MSLN: variants seen among roughly 807,000 people sequenced by gnomAD.
MSLN encodes the protein CAK1 antigen.
A neutral mutation model predicts 72.6 loss-of-function variants in MSLN; 82 were observed. The observed-to-expected ratio is 1.13, with a 90% CI of 0.94 to 1.36. MSLN has a LOEUF of 1.36. Among genes scored for constraint, MSLN ranks in the 40% most tolerant of loss-of-function variants. MSLN has a pLI of 0.00. For missense variants in MSLN, 1,005 were observed against 847.9 expected (o/e 1.19, Z -2.30); for synonymous variants, 456 against 387.3 (o/e 1.18, Z -2.08).
At chr16:762,904 C>A in intron 3 of MSLN, 139 bp downstream of exon 3, 2 of 681,954 alleles carry the variant, frequency 2.9e-6, no homozygotes, top group Non-Finnish European at 4.9e-6. Flanking sequence ...AGTCTCTGCC[C>A]CCAGAGGTGA....
At chr16:767,332 G>A in intron 15 of MSLN, 44 bp from the exon 16 acceptor site, 4 of 1,532,044 alleles carry the variant, frequency 2.6e-6, no homozygotes, top group Non-Finnish European at 3.6e-6. Context: ...GGGCCTGGGG[G>A]TGTGAGGTGA....
intron 11 of MSLN, 111 bp downstream of exon 11, chr16:765,901 A>G (rs2041601065): frequency 3.0e-6 from 4 of 1,330,406 alleles, no homozygotes; most frequent in Middle Eastern, 2.4e-4. Flanking sequence ...ACATCCCATT[A>G]TAATCACAGA....
At chr16:765,652 G>T in intron 10 of MSLN, 35 bp downstream of exon 10, 1 of 1,597,876 alleles carries the variant, frequency 6.3e-7, no homozygotes. Flanking sequence ...GGGGATGCCC[G>T]GCCACCCGAG....
Position 765,273 on chromosome 16 carries a change from C to A in MSLN, c.674C>A (p.Ala225Glu), listed in dbSNP as rs746914426. ...LDQDQQEAAR[A>E]ALQGGGPPYG... is the part of the protein sequence containing the mutation. ...CAGGACCAGCAGGAGGCAGCCAGGG[C>A]GGCTCTGCAGGGCGGGGGACCCCCC... The change falls in exon 9 of 18, where the codon GCG (alanine) becomes GAG (glutamate). Residue 225 changes from alanine to glutamate, a missense_variant. Coordinates refer to ENST00000545450, the MANE Select transcript of MSLN (RefSeq NM_005823.6). 2.5e-6 allele frequency: 4 copies of A among 1,583,986 alleles called. No homozygotes were observed. The highest frequency in any genetic ancestry group is 2.7e-5 in the African/African-American group (2 of 74,676).
At chr16:767,334 G>GT (rs1567359416) in intron 15 of MSLN, 42 bp from the exon 16 acceptor site, 3 of 1,546,028 alleles carry the variant, frequency 1.9e-6, no homozygotes, top group Non-Finnish European at 8.9e-7. Context: ...GCCTGGGGGT[G>GT]TGAGGTGAGG....
chr16:764,010 ACC>A lies in MSLN; in HGVS notation c.180-11_180-10del. ...GGGGCGATCGTGGGTGCCCAGCCCG[ACC>A]CTTCCTGCAGCCTCTCCCCTCGCCA... On this transcript the variant is annotated splice_polypyrimidine_tract_variant and intron_variant, in intron 5 of 17. Coordinates refer to ENST00000545450, the MANE Select transcript of MSLN (RefSeq NM_005823.6). 3 of 1,596,338 alleles carry A rather than the reference ACC, an allele frequency of 1.9e-6. No homozygotes were observed. The highest frequency in any genetic ancestry group is 2.5e-6 in the Non-Finnish European group (3 of 1,178,690).
chr16:763,896 T>TG, intron 5 of MSLN, 127 bp from the exon 6 acceptor site: 4 of 1,272,096 alleles, frequency 3.1e-6, no homozygotes, highest in Non-Finnish European at 3.1e-6. Flanking sequence ...CACCTGGTCT[T>TG]GGGGGGAGGT....
Position 764,631 on chromosome 16 carries a change from C to G in MSLN, c.301-16C>G. On this transcript the variant is annotated splice_polypyrimidine_tract_variant and intron_variant, in intron 6 of 17. Coordinates refer to ENST00000545450, the MANE Select transcript of MSLN (RefSeq NM_005823.6). Reference sequence around the variant, plus strand: ...GCGGCTCGAAACGCTCTGTGCTGGACTCCCTGCCCCTGCAGCTGCGCTGTC... The same window carrying G: ...GCGGCTCGAAACGCTCTGTGCTGGAGTCCCTGCCCCTGCAGCTGCGCTGTC... 6.2e-7 allele frequency: 1 copy of G among 1,610,506 alleles called. No homozygotes were observed. The highest frequency in any genetic ancestry group is 8.5e-7 in the Non-Finnish European group (1 of 1,178,088).
chr16:762,958 C>T (rs1379053809), intron 3 of MSLN, among the ~76,000 whole-genome samples, 193 bp downstream of exon 3: 1 of 152,186 alleles, frequency 6.6e-6, no homozygotes, highest in African/African-American at 2.4e-5. Flanking sequence ...GCTCAGGACA[C>T]AGTGGGGATG....
At position 765,739 on chromosome 16, in the gene MSLN, C is replaced by A; in HGVS notation, c.844C>A (p.Arg282=). Residue 282 remains arginine (R), a synonymous_variant, in exon 11 of 18, where the codon CGG becomes AGG. Transcript: ENST00000545450. ...ACGCTCCTCTCGGGACCCATCCTGG[C>A]GGCAGCCTGAACGGACCATCCTCCG... ...RQRSSRDPSW[R]QPERTILRPR... The A allele has an allele frequency of 1.0e-5, 16 of 1,600,848 alleles. No homozygotes were observed. The highest frequency in any genetic ancestry group is 1.4e-5 in the Non-Finnish European group (16 of 1,179,662).
intron 3 of MSLN, 55 bp from the exon 4 acceptor site, chr16:763,178 G>C (rs1177746422): frequency 4.8e-6 from 6 of 1,247,840 alleles, no homozygotes; most frequent in South Asian, 4.0e-5. Flanking sequence ...CCCTGGGTCA[G>C]GGCACAGCCC....
chr16:767,522 G>T (rs772807868), intron 16 of MSLN, 52 bp downstream of exon 16: 1 of 1,292,028 alleles, frequency 7.7e-7, no homozygotes. Context: ...TGGAGGAGGG[G>T]CGAGTGGGAG....
Position 763,288 on chromosome 16 carries a change from T to A in MSLN, c.129+12T>A. 6 of 1,540,668 alleles carry A rather than the reference T, an allele frequency of 3.9e-6. No homozygotes were observed. Among genetic ancestry groups the A allele is most frequent in the Non-Finnish European group, 5.2e-6 (6 of 1,143,752 alleles). ...GAGAGACAGGGCAGGTAAGGTCCCC[T>A]CTGGGGAAACAGGGGAGGGTCTTCA... On this transcript the variant is annotated intron_variant, in intron 4 of 17. Coordinates refer to ENST00000545450, the MANE Select transcript of MSLN (RefSeq NM_005823.6).
chr16:767,422 G>C lies in MSLN; in HGVS notation c.1548G>C (p.Val516=). 6.2e-7 allele frequency: 1 copy of C among 1,608,136 alleles called. No homozygotes were observed. The highest frequency in any genetic ancestry group is 8.5e-7 in the Non-Finnish European group (1 of 1,178,714). Residue 516 remains valine, a synonymous_variant, in exon 16 of 18, where the codon GTG becomes GTC. Coordinates refer to ENST00000545450, the MANE Select transcript of MSLN (RefSeq NM_005823.6). ...TGAAGGCGCTCAGTCAGCAGAATGT[G>C]AGCATGGACTTGGCCACGTTCATGA... ...EDLKALSQQN[V]SMDLATFMKL... is the part of the protein sequence containing the mutation.
chr16:766,549 T>TG (rs1333631166), intron 13 of MSLN, 59 bp downstream of exon 13: 1 of 1,607,598 alleles, frequency 6.2e-7, no homozygotes, highest in African/African-American at 1.3e-5. Context: ...AGGGGCAGAG[T>TG]GGGGGACAAA....
At chr16:763,889 C>G in intron 5 of MSLN, 134 bp from the exon 6 acceptor site, 1 of 1,320,228 alleles carries the variant, frequency 7.6e-7, no homozygotes, top group Non-Finnish European at 1.0e-6. Flanking sequence ...AGGGCGTCAC[C>G]TGGTCTTGGG....
intron 10 of MSLN, 22 bp downstream of exon 10, chr16:765,639 C>T (rs1201539904): frequency 2.4e-5 from 39 of 1,598,106 alleles, no homozygotes; most frequent in African/African-American, 8.0e-5. Context: ...ATCCCCAGCC[C>T]GTGGGGATGC....
rs542294612 is a variant in MSLN, at chr16:764,754, C to T, written c.380+28C>T. The T allele has an allele frequency of 1.7e-4, 278 of 1,588,980 alleles. 2 individuals carry two copies. The East Asian group carries it at 5.3e-3, about 30-fold the overall frequency. Reference sequence around the variant, plus strand: ...AGGCCCTGCCCCCTGAACCCACCCCCCCGGCTTTTGCCGCCAGCCCTCAGC... The same window carrying T: ...AGGCCCTGCCCCCTGAACCCACCCCTCCGGCTTTTGCCGCCAGCCCTCAGC... On this transcript the variant is annotated intron_variant, in intron 7 of 17. Transcript: ENST00000545450.
rs370468344 is a variant in MSLN at position 768,808 on chromosome 16, G to A, written c.*75G>A. On this transcript the variant is annotated 3_prime_UTR_variant, in exon 18 of 18. Coordinates refer to ENST00000545450, the MANE Select transcript of MSLN (RefSeq NM_005823.6). ...CCAGGAGCAGGCACGGGTGGTCCCC[G>A]TTCCACCCCAAGAGAACTCGCGCTC... The A allele has an allele frequency of 1.2e-4, 177 of 1,419,638 alleles. 1 individual carries two copies. Among genetic ancestry groups the A allele is most frequent in the African/African-American group, 2.0e-4 (14 of 70,654 alleles). The allele number at this position is 1,419,638 out of a possible 1,614,324, so 87.9% of individuals were successfully genotyped here.
Sources: gnomAD v4.1 joint callset for allele counts (sites outside exome capture counted in the v4.1 genomes callset) on GRCh38, gnomAD v4.1.1 for gene constraint, MANE v1.5 for transcripts, NCBI Gene and HGNC (gene_info 2026-07-23, HGNC 2026-07-21) for gene names.